NIBAN1: variants seen among roughly 807,000 people sequenced by gnomAD.
NIBAN1 encodes the protein protein Niban 1.
NIBAN1 carries 81 observed loss-of-function variants against 75.1 expected under a neutral mutation model. The observed-to-expected ratio is 1.08, with a 90% CI of 0.90 to 1.30. The LOEUF is 1.30. Ranked by LOEUF, NIBAN1 falls within the 50% of genes most tolerant of loss-of-function variation. The pLI, the probability that NIBAN1 is intolerant of heterozygous loss-of-function variation, is 0.00. For missense variants in NIBAN1, 1,133 were observed against 1,128.1 expected (o/e 1.00, Z -0.06); for synonymous variants, 436 against 424.8 (o/e 1.03, Z -0.32).
At chr1:184,904,932 C>A (rs998196642) in intron 1 of NIBAN1, among the ~76,000 whole-genome samples, 1 of 96,606 alleles carries the variant, frequency 1.0e-5, no homozygotes, top group East Asian at 2.9e-4. Context: ...GGTGACAGAG[C>A]GAGATCTGTC....
chr1:184,796,179 A>C, intron 13 of NIBAN1, 82 bp from the exon 14 acceptor site: 2 of 1,418,004 alleles, frequency 1.4e-6, no homozygotes, highest in Non-Finnish European at 1.9e-6. Context: ...CTGGCTATCC[A>C]AATTTCTCCA....
At chr1:184,935,130 T>A (rs11801625) in intron 1 of NIBAN1, among the ~76,000 whole-genome samples, 3,572 of 152,304 alleles carry the variant, frequency 0.023, 120 homozygotes, top group African/African-American at 0.081. Flanking sequence ...CAGACATTTT[T>A]TTTTTAAGTT....
intron 1 of NIBAN1, among the ~76,000 whole-genome samples, chr1:184,959,205 G>GT (rs77760980): frequency 0.2 from 30,329 of 152,118 alleles, 3,321 homozygotes; most frequent in East Asian, 0.35. Flanking sequence ...GCAGCTCCCA[G>GT]TGTACATTCA....
At chr1:184,968,209 CAA>C (rs1176738165) in intron 1 of NIBAN1, among the ~76,000 whole-genome samples, 1 of 8,806 alleles carries the variant, frequency 1.1e-4, no homozygotes, top group African/African-American at 3.9e-4. Context: ...GACTCCGTCT[CAA>C]AAAAAAAAAA....
At chr1:184,921,128 CA>C (rs59270543) in intron 1 of NIBAN1, among the ~76,000 whole-genome samples, 58,464 of 108,838 alleles carry the variant, frequency 0.54, 12,811 homozygotes, top group East Asian at 0.57. Context: ...GGCTCTGTCT[CA>C]AAAAAAAAAA....
intron 5 of NIBAN1, among the ~76,000 whole-genome samples, chr1:184,857,698 A>G (rs140112835): frequency 0.022 from 3,290 of 152,252 alleles, 81 homozygotes; most frequent in East Asian, 0.073. Flanking sequence ...ATACATATAC[A>G]TATGTGTCTT....
At chr1:184,954,167 G>T (rs1469033739) in intron 1 of NIBAN1, among the ~76,000 whole-genome samples, 1 of 152,208 alleles carries the variant, frequency 6.6e-6, no homozygotes, top group Non-Finnish European at 1.5e-5. Flanking sequence ...GAGTAAGTTG[G>T]ATGGGGGAAA....
At chr1:184,962,035 C>G (rs1246674452) in intron 1 of NIBAN1, among the ~76,000 whole-genome samples, 1 of 152,152 alleles carries the variant, frequency 6.6e-6, no homozygotes, top group African/African-American at 2.4e-5. Context: ...ATGAGCTCTT[C>G]TTGAGGAATC....
intron 5 of NIBAN1, among the ~76,000 whole-genome samples, chr1:184,852,127 A>G (rs1655557752): frequency 6.6e-6 from 1 of 152,178 alleles, no homozygotes; most frequent in Non-Finnish European, 1.5e-5. Flanking sequence ...AGCAGTCTCC[A>G]GTGTGATGTC....
chr1:184,945,895 G>A (rs908650612), intron 1 of NIBAN1, among the ~76,000 whole-genome samples: 1 of 151,956 alleles, frequency 6.6e-6, no homozygotes, highest in South Asian at 2.1e-4. Context: ...CGCAGACTAT[G>A]GACAATTTTG....
chr1:184,843,358 GT>G (rs918212820), intron 5 of NIBAN1, among the ~76,000 whole-genome samples: 4 of 151,526 alleles, frequency 2.6e-5, no homozygotes, highest in Non-Finnish European at 4.4e-5. Context: ...TTTACCATAA[GT>G]TTTTTTTCAA....
chr1:184,798,388 A>G lies in NIBAN1; in HGVS notation c.1555-198T>C, dbSNP rs1208718825. ...CTTCAATTCAATTCACTGTCTAGGCACCATGCCTGACCTCGACACATCTAT... is the reference window on the plus strand; with the variant it reads ...CTTCAATTCAATTCACTGTCTAGGCGCCATGCCTGACCTCGACACATCTAT... On this transcript the variant is annotated intron_variant, in intron 12 of 13. Coordinates refer to ENST00000367511, the MANE Select transcript of NIBAN1 (RefSeq NM_052966.4). Among the ~76,000 whole-genome samples, 5 of 152,356 alleles carry G rather than the reference A, an allele frequency of 3.3e-5. No individual in the cohort carries two copies. The East Asian group carries it at 9.6e-4, about 29-fold the overall frequency.
chr1:184,840,958 T>A (rs965736646), intron 5 of NIBAN1, among the ~76,000 whole-genome samples: 2 of 148,174 alleles, frequency 1.3e-5, no homozygotes, highest in African/African-American at 2.5e-5. Context: ...AGAGTGTGAG[T>A]GTGTGTGTGT....
chr1:184,919,020 T>C (rs1657463286), intron 1 of NIBAN1, among the ~76,000 whole-genome samples: 1 of 152,222 alleles, frequency 6.6e-6, no homozygotes, highest in South Asian at 2.1e-4. Context: ...TCTAAAATTC[T>C]TTAGAAAACT....
intron 1 of NIBAN1, among the ~76,000 whole-genome samples, chr1:184,972,095 A>T (rs1261517449): frequency 6.6e-6 from 1 of 152,260 alleles, no homozygotes; most frequent in African/African-American, 2.4e-5. Context: ...TAAAGTTAAC[A>T]AAAGTCACTC....
intron 5 of NIBAN1, among the ~76,000 whole-genome samples, chr1:184,833,931 CA>C (rs1204077096): frequency 6.6e-6 from 1 of 150,916 alleles, no homozygotes; most frequent in African/African-American, 2.4e-5. Context: ...CATAGGTATA[CA>C]TGTGCCATGC....
chr1:184,949,899 A>G (rs1162508958), intron 1 of NIBAN1, among the ~76,000 whole-genome samples: 1 of 152,158 alleles, frequency 6.6e-6, no homozygotes, highest in East Asian at 1.9e-4. Flanking sequence ...CTGCTCTGTC[A>G]CAGACCAGCC....
At chr1:184,824,074 A>G (rs914902629) in intron 6 of NIBAN1, among the ~76,000 whole-genome samples, 2 of 152,216 alleles carry the variant, frequency 1.3e-5, no homozygotes, top group African/African-American at 4.8e-5. Context: ...AAAGAGTTCA[A>G]TAATGGATAA....
At chr1:184,806,612 C>T (rs777376329) in intron 10 of NIBAN1, among the ~76,000 whole-genome samples, 5 of 152,048 alleles carry the variant, frequency 3.3e-5, no homozygotes, top group Non-Finnish European at 5.9e-5. Context: ...TAAACTGTTG[C>T]CCAATTTTGT....
Sources: allele counts gnomAD v4.1 joint callset (sites outside exome capture counted in the v4.1 genomes callset), GRCh38; gene constraint gnomAD v4.1.1; transcripts MANE v1.5; gene names NCBI Gene and HGNC (gene_info 2026-07-23, HGNC 2026-07-21).